The following ANKRD36C variants were observed in gnomAD, a reference collection of about 807,000 sequenced individuals.
ANKRD36C encodes ankyrin repeat domain-containing protein 36C.
In ANKRD36C, 61 loss-of-function variants were observed where a neutral mutation model predicts 276.4. The ratio of observed to expected loss-of-function variants is 0.22; its 90% CI spans 0.18 to 0.27. The LOEUF is 0.27. Ranked by LOEUF, ANKRD36C falls within the 10% of genes least tolerant of loss-of-function variation. The pLI is 1.00. For synonymous variants in ANKRD36C, 483 were observed against 680.1 expected, an observed-to-expected ratio of 0.71 and a Z score of 4.51; for missense variants, 1,447 against 2,032.3, an observed-to-expected ratio of 0.71 and a Z score of 5.54.
intron 16 of ANKRD36C, 117 bp downstream of exon 16, chr2:95,950,627 TGACAA>T: frequency 8.2e-7 from 1 of 1,218,066 alleles, no homozygotes; most frequent in Non-Finnish European, 1.1e-6. Context: ...TGACATGACA[TGACAA>T]ATGTTAAGCA....
exon 19 of ANKRD36C, chr2:95,944,649 A>G: frequency 1.3e-6 from 2 of 1,537,238 alleles, no homozygotes. Flanking sequence ...TTGGTCTTCA[A>G]ACAAGGTTCC....
At chr2:95,923,110 T>C (rs145877133) in intron 32 of ANKRD36C, among the ~76,000 whole-genome samples, 2 of 151,460 alleles carry the variant, frequency 1.3e-5, no homozygotes, top group Non-Finnish European at 3.0e-5. Flanking sequence ...CTGGTTATTA[T>C]GATCACTTTT....
chr2:95,960,232 C>A (rs1465736591), intron 10 of ANKRD36C, among the ~76,000 whole-genome samples: 1 of 152,056 alleles, frequency 6.6e-6, no homozygotes, highest in Non-Finnish European at 1.5e-5. Flanking sequence ...GTATCTTGAA[C>A]TGCTCTCCAA....
intron 40 of ANKRD36C, among the ~76,000 whole-genome samples, chr2:95,912,843 G>A (rs374279313): frequency 4.0e-4 from 61 of 151,314 alleles, no homozygotes; most frequent in Middle Eastern, 3.4e-3. Flanking sequence ...ACACCATTAG[G>A]CTACAAACAT....
chr2:95,852,392 C>T (rs1449825669), intron 64 of ANKRD36C, 196 bp from the exon 85 acceptor site: 2 of 560,112 alleles, frequency 3.6e-6, no homozygotes, highest in South Asian at 2.2e-5. Flanking sequence ...TGCTACACCC[C>T]TTCAGTCTGC....
At chr2:95,880,797 A>G (rs1418005661) in intron 56 of ANKRD36C, among the ~76,000 whole-genome samples, 174 bp from the exon 77 acceptor site, 2 of 152,192 alleles carry the variant, frequency 1.3e-5, no homozygotes, top group East Asian at 1.9e-4. Flanking sequence ...AATGAAGAAA[A>G]TAGGAATACA....
chr2:95,914,498 T>C lies in ANKRD36C; in HGVS notation c.2450-195A>G, dbSNP rs564197403. ...ACGGGAATACAGGCTCCATGAAATA[T>C]AGTCTTAGAATTTCAAACATGGTAT... On this transcript the variant is annotated intron_variant, in intron 38 of 66. Coordinates refer to ENST00000456556, the Ensembl canonical transcript of ANKRD36C. 5.9e-5 allele frequency among the ~76,000 whole-genome samples: 9 copies of C among 151,530 alleles called. No individual in the cohort carries two copies. The East Asian group carries it at 1.6e-3, about 26-fold the overall frequency.
chr2:95,860,458 A>G (rs1558618697), intron 60 of ANKRD36C, among the ~76,000 whole-genome samples: 1 of 152,220 alleles, frequency 6.6e-6, no homozygotes, highest in Non-Finnish European at 1.5e-5. Context: ...CAAAGAAGAA[A>G]GCAAAGCACT....
At chr2:95,946,483 T>G (rs1346435142) in intron 17 of ANKRD36C, among the ~76,000 whole-genome samples, 2 of 143,340 alleles carry the variant, frequency 1.4e-5, no homozygotes, top group Admixed American at 1.4e-4. Context: ...GTTCAACCAT[T>G]GTGGAAGTCA....
chr2:95,854,350 A>ACCT (rs964057028), intron 63 of ANKRD36C, among the ~76,000 whole-genome samples: 3 of 150,012 alleles, frequency 2.0e-5, no homozygotes, highest in African/African-American at 7.4e-5. Context: ...CCCGCCCTCC[A>ACCT]CCTCCCGCCC....
At chr2:95,959,584 G>C (rs373998914) in intron 10 of ANKRD36C, among the ~76,000 whole-genome samples, 3 of 152,152 alleles carry the variant, frequency 2.0e-5, no homozygotes, top group South Asian at 4.1e-4. Context: ...CATATTCATT[G>C]AAAATAACCA....
At chr2:95,862,370 C>A (rs1463010292) in intron 60 of ANKRD36C, among the ~76,000 whole-genome samples, 2 of 151,946 alleles carry the variant, frequency 1.3e-5, no homozygotes, top group African/African-American at 2.4e-5. Flanking sequence ...AGACCGATAA[C>A]AAAAATAACT....
At chr2:95,917,554 T>G (rs564160674) in intron 36 of ANKRD36C, among the ~76,000 whole-genome samples, 16 of 151,540 alleles carry the variant, frequency 1.1e-4, no homozygotes, top group Non-Finnish European at 2.4e-4. Context: ...AACCATGCTG[T>G]AGAATTAAAG....
At chr2:95,909,980 G>A (rs556258687) in intron 42 of ANKRD36C, among the ~76,000 whole-genome samples, 17 of 151,304 alleles carry the variant, frequency 1.1e-4, no homozygotes, top group South Asian at 4.2e-4. Flanking sequence ...CAGTGTGTAC[G>A]GGTTATTACA....
chr2:95,895,915 C>T (rs1454107437), intron 44 of ANKRD36C, among the ~76,000 whole-genome samples: 1 of 150,746 alleles, frequency 6.6e-6, no homozygotes, highest in Non-Finnish European at 1.5e-5. Context: ...GCAACTCATA[C>T]ACGTGAGAAT....
chr2:95,891,725 C>T (rs1322830475), exon 46 of ANKRD36C: 8 of 1,581,718 alleles, frequency 5.1e-6, no homozygotes, highest in Non-Finnish European at 6.0e-6. Flanking sequence ...GAATCTTTCT[C>T]GTCACTTGTA....
intron 3 of ANKRD36C, among the ~76,000 whole-genome samples, chr2:95,983,742 G>A (rs1427806055): frequency 1.3e-5 from 2 of 151,414 alleles, no homozygotes; most frequent in East Asian, 1.9e-4. Flanking sequence ...TCAGCCTCCC[G>A]AGTAGCTGGG....
chr2:95,922,407 AT>A (rs1677296989), intron 32 of ANKRD36C, among the ~76,000 whole-genome samples: 1 of 151,536 alleles, frequency 6.6e-6, no homozygotes, highest in South Asian at 2.1e-4. Flanking sequence ...TGGTGCAACA[AT>A]TTGCCTAAGT....
intron 66 of ANKRD36C, 111 bp downstream of exon 86, chr2:95,851,583 G>A: frequency 1.0e-6 from 1 of 963,150 alleles, no homozygotes; most frequent in Non-Finnish European, 1.6e-6. Flanking sequence ...TCCAAAATCT[G>A]AAAAAAATCT....
Sources: allele counts gnomAD v4.1 joint callset (sites outside exome capture counted in the v4.1 genomes callset), GRCh38; gene constraint gnomAD v4.1.1; transcripts MANE v1.5; gene names NCBI Gene and HGNC (gene_info 2026-07-23, HGNC 2026-07-21).